Variants in IGF2R observed in about 807,000 individuals in gnomAD.
IGF2R encodes insulin like growth factor 2 receptor.
Under a neutral mutation model 270.6 loss-of-function variants are expected in IGF2R, and 91 were observed. That is an observed-to-expected ratio of 0.34 (90% confidence interval 0.28 to 0.40). The LOEUF is 0.40. IGF2R is among the 10% of genes least tolerant of loss of function. The pLI is 1.00. For missense variants in IGF2R, 2,805 were observed against 3,188.3 expected (o/e 0.88, Z 2.90); for synonymous variants, 1,316 against 1,258.9 (o/e 1.05, Z -0.96).
At chr6:160,032,421 T>A (rs985505286) in intron 7 of IGF2R, 130 bp from the exon 8 acceptor site, 2 of 754,754 alleles carry the variant, frequency 2.6e-6, no homozygotes, top group East Asian at 5.4e-5. Flanking sequence ...GCAATTATGA[T>A]TCAAAAAACA....
intron 3 of IGF2R, among the ~76,000 whole-genome samples, chr6:160,009,769 T>A (rs887176797): frequency 2.0e-5 from 3 of 152,220 alleles, no homozygotes; most frequent in African/African-American, 7.2e-5. Flanking sequence ...ATTCTATGAA[T>A]GTTCTTGAAT....
chr6:160,065,812 G>GTATATA (rs1456196890), intron 29 of IGF2R, among the ~76,000 whole-genome samples: 37 of 69,358 alleles, frequency 5.3e-4, no homozygotes, highest in African/African-American at 6.9e-4. Flanking sequence ...GTGTGTGTGT[G>GTATATA]TGTATATATA....
intron 2 of IGF2R, among the ~76,000 whole-genome samples, chr6:159,995,783 G>A (rs1471538452): frequency 6.6e-5 from 10 of 151,406 alleles, no homozygotes; most frequent in Non-Finnish European, 1.3e-4. Context: ...ATCTTATTGC[G>A]CTTCTTTAAA....
In IGF2R at chr6:159,989,888, G is replaced by A. The variant is rs151284369; in HGVS notation, c.150-1296G>A. Among the ~76,000 whole-genome samples, 169 of 152,334 alleles carry A rather than the reference G, an allele frequency of 1.1e-3. 1 individual carries two copies. The highest frequency in any genetic ancestry group is 3.4e-3 in the African/African-American group (142 of 41,572). ...TGAGAATAATTGTTTTCACAGAACC[G>A]GGAAACCACCTATTTTGTCCCAAGT... On this transcript the variant is annotated intron_variant, in intron 1 of 47. Coordinates refer to ENST00000356956, the MANE Select transcript of IGF2R (RefSeq NM_000876.4).
At chr6:160,058,538 G>A (rs8191830) in intron 21 of IGF2R, among the ~76,000 whole-genome samples, 1,884 of 152,176 alleles carry the variant, frequency 0.012, 46 homozygotes, top group African/African-American at 0.043. Flanking sequence ...ATATTTACTT[G>A]TAATTAACAT....
chr6:160,096,138 C>T, intron 44 of IGF2R: 1 of 249,352 alleles, frequency 4.0e-6, no homozygotes, highest in Non-Finnish European at 7.6e-6. Context: ...GTACAGCAGA[C>T]TGTTTTAATC....
At chr6:160,043,431 A>G (rs1227929604) in intron 12 of IGF2R, 143 bp downstream of exon 12, 7 of 971,392 alleles carry the variant, frequency 7.2e-6, no homozygotes, top group Admixed American at 3.2e-5. Context: ...TTCATTCATA[A>G]CTCAAATGTC....
intron 1 of IGF2R, among the ~76,000 whole-genome samples, chr6:159,985,912 A>C (rs1783874912): frequency 6.6e-6 from 1 of 152,202 alleles, no homozygotes; most frequent in South Asian, 2.1e-4. Context: ...TCTGTCCCAG[A>C]GTGATGGTTT....
chr6:159,990,321 ATCATGGGGGCGGT>A (rs1271575584), intron 1 of IGF2R, among the ~76,000 whole-genome samples: 1 of 151,998 alleles, frequency 6.6e-6, no homozygotes, highest in Non-Finnish European at 1.5e-5. Flanking sequence ...AGGCAATTGA[ATCATGGGGGCGGT>A]TACCCTTATG....
rs1779670725 is a variant in IGF2R at position 160,108,473 on chromosome 6, G to T, written c.*3389G>T. ...TTGGGCTTTTGAGCAAGATAGTCTAGATGAAAGTAAAGAGATGGAGACGCT... is the reference window on the plus strand; with the variant it reads ...TTGGGCTTTTGAGCAAGATAGTCTATATGAAAGTAAAGAGATGGAGACGCT... On this transcript the variant is annotated 3_prime_UTR_variant, in exon 48 of 48. Transcript: ENST00000356956. 1 of 152,326 alleles carries T rather than the reference G, an allele frequency of 6.6e-6. No individual in the cohort carries two copies. Among genetic ancestry groups the T allele is most frequent in the South Asian group, 2.1e-4 (1 of 4,830 alleles). 9.4% of individuals were successfully genotyped at this position (152,326 alleles called of 1,614,324 possible).
intron 16 of IGF2R, among the ~76,000 whole-genome samples, 167 bp from the exon 17 acceptor site, chr6:160,047,625 T>C (rs1778098078): frequency 6.6e-6 from 1 of 152,238 alleles, no homozygotes; most frequent in Non-Finnish European, 1.5e-5. Context: ...CATCCTGATT[T>C]GTTACTGGAC....
chr6:160,009,801 A>C (rs529349872), intron 3 of IGF2R, among the ~76,000 whole-genome samples: 1 of 152,350 alleles, frequency 6.6e-6, no homozygotes, highest in East Asian at 1.9e-4. Context: ...CCCAATCTTT[A>C]GGAAAGTCAG....
chr6:160,090,240 T>A, intron 44 of IGF2R, 137 bp downstream of exon 44: 2 of 566,064 alleles, frequency 3.5e-6, no homozygotes, highest in Non-Finnish European at 5.8e-6. Flanking sequence ...TTTACTTTGT[T>A]ATGAATTTCT....
chr6:160,027,327 C>T lies in IGF2R; in HGVS notation c.776+13C>T, dbSNP rs1361774053. 4.4e-6 allele frequency: 7 copies of T among 1,602,206 alleles called. No individual in the cohort carries two copies. Among genetic ancestry groups the T allele is most frequent in the Non-Finnish European group, 6.0e-6 (7 of 1,174,932 alleles). On this transcript the variant is annotated intron_variant, in intron 6 of 47. Coordinates refer to ENST00000356956, the MANE Select transcript of IGF2R (RefSeq NM_000876.4). The stretch of plus-strand genomic sequence containing the variant: ...TGCGCAAGGACAGGTCAGTCAAGGC[C>T]TCCGATGCTGTTGGCGTTTTTAATC...
In IGF2R at chr6:159,969,330, G is replaced by A; in HGVS notation, c.84G>A (p.Leu28=). Residue 28 remains leucine (L), a synonymous_variant, in exon 1 of 48, where the codon CTG becomes CTA. Coordinates refer to ENST00000356956, the MANE Select transcript of IGF2R (RefSeq NM_000876.4). The part of the protein sequence containing the change: ...RPQRSLLLLQ[L]LLLVAAPGST... The stretch of plus-strand genomic sequence containing the variant: ...AGCGCTCTCTGCTCCTGCTGCAGCT[G>A]CTGCTGCTCGTCGCTGCCCCGGGGT... 7.6e-7 allele frequency: 1 copy of A among 1,308,872 alleles called. No homozygotes were observed. The highest frequency in any genetic ancestry group is 2.9e-5 in the Admixed American group (1 of 34,282). 81.1% of individuals were successfully genotyped at this position (1,308,872 alleles called of 1,614,324 possible).
At chr6:160,094,110 A>C in intron 44 of IGF2R, 1 of 468,034 alleles carries the variant, frequency 2.1e-6, no homozygotes, top group Non-Finnish European at 4.1e-6. Flanking sequence ...CCAAAGTACT[A>C]CTGCTGTTGC....
chr6:160,089,428 A>C (rs1276017634), intron 43 of IGF2R, among the ~76,000 whole-genome samples, 175 bp downstream of exon 43: 1 of 152,230 alleles, frequency 6.6e-6, no homozygotes, highest in Admixed American at 6.5e-5. Flanking sequence ...TCAATCATTA[A>C]GTTTTAACAC....
intron 41 of IGF2R, 88 bp from the exon 42 acceptor site, chr6:160,087,945 G>T (rs775438662): frequency 3.8e-6 from 3 of 786,352 alleles, no homozygotes; most frequent in Admixed American, 3.9e-5. Context: ...CAAAGTGTTG[G>T]AATTGACAGG....
In IGF2R at chr6:160,027,282, C is replaced by T; in HGVS notation, c.744C>T (p.Pro248=). 6.2e-7 allele frequency: 1 copy of T among 1,613,922 alleles called. No homozygotes were observed. Among genetic ancestry groups the T allele is most frequent in the Non-Finnish European group, 8.5e-7 (1 of 1,179,934 alleles). Residue 248 remains proline (P), a synonymous_variant, in exon 6 of 48, where the codon CCC becomes CCT. Coordinates refer to ENST00000356956, the MANE Select transcript of IGF2R (RefSeq NM_000876.4). ...ACCAGGCGTTTGATGTTGGCCAGCC[C>T]CGGGACGGACTGAAGCTGGTGCGCA... ...RGHQAFDVGQ[P]RDGLKLVRKD...
Sources: allele counts gnomAD v4.1 joint callset (sites outside exome capture counted in the v4.1 genomes callset), GRCh38; gene constraint gnomAD v4.1.1; transcripts MANE v1.5; gene names NCBI Gene and HGNC (gene_info 2026-07-23, HGNC 2026-07-21).